Variants in FGF14 observed in about 807,000 individuals in gnomAD.
FGF14 encodes fibroblast growth factor 14, also known as fibroblast growth factor homologous factor 4.
Under a neutral mutation model 25.5 loss-of-function variants are expected in FGF14, and 5 were observed. The observed-to-expected ratio is 0.20, with a 90% confidence interval of 0.10 to 0.41. The LOEUF is 0.41. FGF14 is among the 10% of genes least tolerant of loss of function. The probability of loss-of-function intolerance (pLI) is 1.00; values close to 1 mark genes in which losing one functional copy is unlikely to be tolerated. For synonymous variants in FGF14, 138 were observed against 118.3 expected (o/e 1.17, Z -1.08); for missense variants, 222 against 320.1 (o/e 0.69, Z 2.34).
chr13:102,210,183 A>G (rs1465127804), intron 1 of FGF14, among the ~76,000 whole-genome samples: 1 of 151,692 alleles, frequency 6.6e-6, no homozygotes, highest in African/African-American at 2.4e-5. Flanking sequence ...TTTTCATTAT[A>G]GAGAGGTATG....
At chr13:101,951,148 T>C (rs958214241) in intron 1 of FGF14, among the ~76,000 whole-genome samples, 15 of 152,162 alleles carry the variant, frequency 9.9e-5, no homozygotes, top group African/African-American at 2.2e-4. Flanking sequence ...CATCATATCA[T>C]TGAAGATTCT....
chr13:101,729,966 G>T (rs1408500626), intron 3 of FGF14, among the ~76,000 whole-genome samples: 2 of 152,170 alleles, frequency 1.3e-5, no homozygotes, highest in Non-Finnish European at 2.9e-5. Context: ...GTGGGAAATG[G>T]CCTGGTACAT....
chr13:102,068,591 C>T (rs543298366), intron 1 of FGF14, among the ~76,000 whole-genome samples: 4 of 152,218 alleles, frequency 2.6e-5, no homozygotes, highest in Admixed American at 6.5e-5. Flanking sequence ...CTGCCAGCCC[C>T]GGGCAGTGAG....
Position 101,720,396 on chromosome 13 carries a change from C to G in FGF14, c.*2435G>C, listed in dbSNP as rs1169882649. On this transcript the variant is annotated 3_prime_UTR_variant, in exon 5 of 5. Transcript: ENST00000376143. ...CCATATATAAAACACAACAGAGATA[C>G]ACATTTACATAAATCTCAGTCATTT... 6.6e-6 allele frequency: 1 copy of G among 152,076 alleles called. No individual in the cohort carries two copies. Among genetic ancestry groups the G allele is most frequent in the African/African-American group, 2.4e-5 (1 of 41,434 alleles). The allele number at this position is 152,076 out of a possible 1,614,324, so 9.4% of individuals were successfully genotyped here.
chr13:102,243,356 T>G (rs955987225), intron 1 of FGF14, among the ~76,000 whole-genome samples: 1 of 152,112 alleles, frequency 6.6e-6, no homozygotes, highest in African/African-American at 2.4e-5. Flanking sequence ...CAGAAGGAAC[T>G]CCATTTGAAT....
At chr13:102,371,692 C>G (rs1036241696) in intron 1 of FGF14, among the ~76,000 whole-genome samples, 2 of 151,622 alleles carry the variant, frequency 1.3e-5, no homozygotes, top group African/African-American at 4.8e-5. Context: ...ATCGATGTGC[C>G]AAGAATATTA....
At chr13:102,032,973 A>G (rs1396085229) in intron 1 of FGF14, among the ~76,000 whole-genome samples, 1 of 152,102 alleles carries the variant, frequency 6.6e-6, no homozygotes, top group Non-Finnish European at 1.5e-5. Context: ...GACTCTTCAG[A>G]GGATAAACTT....
intron 3 of FGF14, among the ~76,000 whole-genome samples, chr13:101,753,728 G>A (rs1201354401): frequency 6.6e-6 from 1 of 151,808 alleles, no homozygotes; most frequent in African/African-American, 2.4e-5. Flanking sequence ...ACTTGAACCC[G>A]GGAGACGCAG....
chr13:102,296,697 G>C (rs778996064), intron 1 of FGF14, among the ~76,000 whole-genome samples: 7 of 152,070 alleles, frequency 4.6e-5, no homozygotes, highest in Non-Finnish European at 7.4e-5. Context: ...ACTTCCCCCA[G>C]AAAAGCAGCT....
chr13:102,252,814 C>T (rs1192624369), intron 1 of FGF14, among the ~76,000 whole-genome samples: 2 of 152,138 alleles, frequency 1.3e-5, no homozygotes, highest in African/African-American at 4.8e-5. Context: ...TGCTATCCCT[C>T]CCTTAGCTCC....
At position 102,310,651 on chromosome 13, in the gene FGF14, TTCTCTC is replaced by T. The variant is rs34400050; in HGVS notation, c.208+90814_208+90819del. Among the ~76,000 whole-genome samples, 82 of 45,800 alleles carry T rather than the reference TTCTCTC, an allele frequency of 1.8e-3. No homozygotes were observed. The East Asian group carries it at 0.027, about 15-fold the overall frequency. 30.0% of individuals were successfully genotyped at this position (45,800 alleles called of 152,430 possible). A position where few individuals can be genotyped will look rare whatever the true frequency, so the allele number is the denominator to read the frequency against. ...TTCCTTTCTGTCTCTCTCTTCCCGT[TTCTCTC>T]TCTCTCTCTCTCTCTCTCTCTCTCT... On this transcript the variant is annotated intron_variant, in intron 1 of 4. Transcript: ENST00000376131.
chr13:102,033,856 A>C (rs963594250), intron 1 of FGF14, among the ~76,000 whole-genome samples: 1 of 152,162 alleles, frequency 6.6e-6, no homozygotes, highest in Non-Finnish European at 1.5e-5. Flanking sequence ...ACTCCCTACC[A>C]GCTCAGCTCA....
intron 1 of FGF14, among the ~76,000 whole-genome samples, chr13:102,212,259 C>A (rs1039035399): frequency 1.3e-5 from 2 of 152,154 alleles, no homozygotes; most frequent in Non-Finnish European, 2.9e-5. Flanking sequence ...TTTTAAAGAA[C>A]TAAGGTAGGT....
At chr13:101,830,537 C>T (rs965186864) in intron 3 of FGF14, among the ~76,000 whole-genome samples, 1 of 152,058 alleles carries the variant, frequency 6.6e-6, no homozygotes, top group Non-Finnish European at 1.5e-5. Context: ...AGAACATTAC[C>T]TCAAGAGGCG....
chr13:102,177,614 G>GTT (rs1219494154), intron 1 of FGF14, among the ~76,000 whole-genome samples: 1 of 151,892 alleles, frequency 6.6e-6, no homozygotes, highest in Non-Finnish European at 1.5e-5. Context: ...ATCCTATAAT[G>GTT]TTTTGTCAGC....
At chr13:102,325,476 C>A (rs2138789646) in intron 1 of FGF14, among the ~76,000 whole-genome samples, 1 of 152,268 alleles carries the variant, frequency 6.6e-6, no homozygotes. Context: ...GTGCACCCCA[C>A]TCAGCCATTG....
intron 1 of FGF14, among the ~76,000 whole-genome samples, chr13:102,084,751 C>T (rs549294790): frequency 3.9e-4 from 59 of 152,300 alleles, no homozygotes; most frequent in Admixed American, 8.5e-4. Context: ...CCCTCATGAT[C>T]AGCACAAGCG....
At chr13:102,031,762 G>C (rs2041223082) in intron 1 of FGF14, among the ~76,000 whole-genome samples, 1 of 151,748 alleles carries the variant, frequency 6.6e-6, no homozygotes, top group Non-Finnish European at 1.5e-5. Flanking sequence ...CTTTAGAAAT[G>C]TATTTCCTTA....
chr13:101,858,739 C>T (rs2044254781), intron 3 of FGF14, among the ~76,000 whole-genome samples: 1 of 152,078 alleles, frequency 6.6e-6, no homozygotes, highest in Admixed American at 6.6e-5. Flanking sequence ...TGACTTTCTT[C>T]TTTGACGCTG....
Sources: allele counts gnomAD v4.1 joint callset (sites outside exome capture counted in the v4.1 genomes callset), GRCh38; gene constraint gnomAD v4.1.1; transcripts MANE v1.5; gene names NCBI Gene and HGNC (gene_info 2026-07-23, HGNC 2026-07-21).